Variants in SLC31A1 observed in about 807,000 individuals in gnomAD.
SLC31A1 encodes the protein high affinity copper uptake protein 1.
SLC31A1 carries 5 observed loss-of-function variants against 17.2 expected under a neutral mutation model. The ratio of observed to expected loss-of-function variants is 0.29; its 90% CI spans 0.15 to 0.61. The LOEUF is 0.61. SLC31A1 is among the 20% of genes least tolerant of loss of function. SLC31A1 has a pLI of 0.86. For missense variants in SLC31A1, 161 were observed against 241.4 expected, an observed-to-expected ratio of 0.67 and a Z score of 2.21; for synonymous variants, 76 against 78.8, an observed-to-expected ratio of 0.96 and a Z score of 0.19.
intron 1 of SLC31A1, among the ~76,000 whole-genome samples, chr9:113,231,608 G>A (rs1354891972): frequency 2.0e-5 from 3 of 151,866 alleles, no homozygotes; most frequent in Non-Finnish European, 2.9e-5. Context: ...TTATGCATTA[G>A]TGGTAGCTGT....
Position 113,258,768 on chromosome 9 carries a change from C to G in SLC31A1, c.277C>G (p.Leu93Val). 1 of 1,614,230 alleles carries G rather than the reference C, an allele frequency of 6.2e-7. No homozygotes were observed. Among genetic ancestry groups the G allele is most frequent in the Non-Finnish European group, 8.5e-7 (1 of 1,180,030 alleles). The change falls in exon 4 of 5, where the codon CTG becomes GTG. Residue 93 changes from leucine to valine, a missense_variant. By Grantham distance (32) the Leu-to-Val change is conservative (BLOSUM62 1). Transcript: ENST00000374212. The surrounding 1 kb of genome is among the most constrained non-coding windows in gnomAD (Gnocchi z 4.8). ...AGGACTCAAGATAGCCCGAGAGAGCCTGCTGCGTAAGTCACAAGTCAGCAT... is the reference window on the plus strand; with the variant it reads ...AGGACTCAAGATAGCCCGAGAGAGCGTGCTGCGTAAGTCACAAGTCAGCAT... Reference protein sequence around the residue: ...YEGLKIARESLLRKSQVSIRY... With the variant: ...YEGLKIARESVLRKSQVSIRY...
At chr9:113,223,783 C>A (rs1831313146) in intron 1 of SLC31A1, among the ~76,000 whole-genome samples, 1 of 152,192 alleles carries the variant, frequency 6.6e-6, no homozygotes, top group Non-Finnish European at 1.5e-5. Flanking sequence ...TATACCCATA[C>A]TAATCTGTAA....
At chr9:113,252,930 G>A (rs1268314023) in intron 1 of SLC31A1, among the ~76,000 whole-genome samples, 10 of 150,562 alleles carry the variant, frequency 6.6e-5, no homozygotes, top group African/African-American at 2.2e-4. Context: ...CCTGGCTAGC[G>A]AAAGTCTTTT....
intron 3 of SLC31A1, among the ~76,000 whole-genome samples, chr9:113,257,680 G>C (rs1831744069): frequency 6.6e-6 from 1 of 151,820 alleles, no homozygotes; most frequent in Non-Finnish European, 1.5e-5. Flanking sequence ...TAGAGACGGG[G>C]TTTTGCCATG....
chr9:113,241,969 C>A (rs1831525796), intron 1 of SLC31A1, among the ~76,000 whole-genome samples: 1 of 152,180 alleles, frequency 6.6e-6, no homozygotes, highest in Non-Finnish European at 1.5e-5. Context: ...ACTAGAGGAT[C>A]ACGAGGTCAG....
At chr9:113,239,068 G>C (rs923621646) in intron 1 of SLC31A1, among the ~76,000 whole-genome samples, 1 of 152,132 alleles carries the variant, frequency 6.6e-6, no homozygotes, top group Non-Finnish European at 1.5e-5. Flanking sequence ...ATCTCTATGC[G>C]TAGGACCTGT....
Position 113,221,576 on chromosome 9 carries a change from G to A in SLC31A1, c.-138G>A, listed in dbSNP as rs1054173994. 30 of 437,642 alleles carry A rather than the reference G, an allele frequency of 6.9e-5. No individual in the cohort carries two copies. The highest frequency in any genetic ancestry group is 1.4e-3 in the Middle Eastern group (2 of 1,476). 27.1% of individuals were successfully genotyped at this position (437,642 alleles called of 1,614,324 possible). On this transcript the variant is annotated 5_prime_UTR_variant, in exon 1 of 5. Transcript: ENST00000374212. ...CGGCCTCGGTGGCGGTGGTGGACAC[G>A]TCGAGCCGGGTAGAAGTGGAGGGGC... is the stretch of plus-strand genomic sequence containing the variant.
rs531502410 is a variant in SLC31A1, at chr9:113,231,846, A to C, written c.-36+10168A>C. On this transcript the variant is annotated intron_variant, in intron 1 of 4. Transcript: ENST00000374212. ...AAAACTTGTCTATGGGCCATACGTTAAGTACTCATAGTATCTCTGTGGAAG... is the reference window on the plus strand; with the variant it reads ...AAAACTTGTCTATGGGCCATACGTTCAGTACTCATAGTATCTCTGTGGAAG... 1.1e-4 allele frequency among the ~76,000 whole-genome samples: 17 copies of C among 152,334 alleles called. No homozygotes were observed. In the South Asian group the frequency reaches 3.3e-3, roughly 30 times the overall value.
At chr9:113,259,837 C>T (rs553244532) in intron 4 of SLC31A1, among the ~76,000 whole-genome samples, 88 of 152,252 alleles carry the variant, frequency 5.8e-4, no homozygotes, top group African/African-American at 2.0e-3. Context: ...CAGCCCACCT[C>T]GGCCTCCCAA....
In SLC31A1 at chr9:113,263,476, T is replaced by C. The variant is rs1056192047; in HGVS notation, c.*3003T>C. On this transcript the variant is annotated 3_prime_UTR_variant, in exon 5 of 5. Transcript: ENST00000374212. ...TGGATCTAAACTTCTCTTTTCTTCCTTCCCCATTCACATCTATTAGAAGAC... is the reference window on the plus strand; with the variant it reads ...TGGATCTAAACTTCTCTTTTCTTCCCTCCCCATTCACATCTATTAGAAGAC... 1.1e-4 allele frequency: 17 copies of C among 152,668 alleles called. No individual in the cohort carries two copies. The highest frequency in any genetic ancestry group is 4.1e-4 in the African/African-American group (17 of 41,450). The allele number at this position is 152,668 out of a possible 1,614,324, so 9.5% of individuals were successfully genotyped here.
chr9:113,247,798 T>C (rs1831599204), intron 1 of SLC31A1, among the ~76,000 whole-genome samples: 1 of 152,214 alleles, frequency 6.6e-6, no homozygotes, highest in African/African-American at 2.4e-5. Context: ...TAGCATTTAC[T>C]GTTTCCTATA....
intron 1 of SLC31A1, among the ~76,000 whole-genome samples, chr9:113,225,788 A>T (rs950075112): frequency 2.0e-5 from 3 of 152,156 alleles, no homozygotes; most frequent in African/African-American, 7.2e-5. Context: ...TCTACTGTTA[A>T]TTCCTTTTTG....
At chr9:113,239,516 G>C (rs4979226) in intron 1 of SLC31A1, among the ~76,000 whole-genome samples, 76,206 of 152,018 alleles carry the variant, frequency 0.5, 19,393 homozygotes, top group South Asian at 0.61. Context: ...AAACATGAGT[G>C]CCTGCATATT....
Position 113,262,818 on chromosome 9 carries a change from AATCTC to A in SLC31A1, c.*2347_*2351del, listed in dbSNP as rs1416889569. 7 of 152,636 alleles carry A rather than the reference AATCTC, an allele frequency of 4.6e-5. No homozygotes were observed. Among genetic ancestry groups the A allele is most frequent in the African/African-American group, 1.7e-4 (7 of 41,450 alleles). The allele number at this position is 152,636 out of a possible 1,614,324, so 9.5% of individuals were successfully genotyped here. A position where few individuals can be genotyped will look rare whatever the true frequency, so the allele number is the denominator to read the frequency against. ...AGTAGTGACATTGGTGCTCTCTAGA[AATCTC>A]AGCATGAGCTGCTATAGAATACCCT... On this transcript the variant is annotated 3_prime_UTR_variant, in exon 5 of 5. Coordinates refer to ENST00000374212, the MANE Select transcript of SLC31A1 (RefSeq NM_001859.4).
At chr9:113,246,763 C>T (rs1020884734) in intron 1 of SLC31A1, among the ~76,000 whole-genome samples, 4 of 152,154 alleles carry the variant, frequency 2.6e-5, no homozygotes, top group Admixed American at 2.6e-4. Flanking sequence ...CATTATCGTG[C>T]CTCAGCCTCC....
intron 1 of SLC31A1, among the ~76,000 whole-genome samples, chr9:113,234,625 T>C (rs1276163828): frequency 6.6e-6 from 1 of 151,688 alleles, no homozygotes; most frequent in Non-Finnish European, 1.5e-5. Flanking sequence ...GAATTGTCCA[T>C]GGAACTTGAT....
intron 1 of SLC31A1, chr9:113,223,363 A>G (rs1302185350): frequency 2.7e-6 from 1 of 369,486 alleles, no homozygotes; most frequent in African/African-American, 2.2e-5. Context: ...GTCTTCCTAA[A>G]TTCGTGTATC....
intron 1 of SLC31A1, among the ~76,000 whole-genome samples, chr9:113,229,508 T>C (rs1658470616): frequency 6.6e-6 from 1 of 152,228 alleles, no homozygotes; most frequent in South Asian, 2.1e-4. Flanking sequence ...AAGTATTCCA[T>C]TGTATGAAAA....
In SLC31A1 at chr9:113,239,044, C is replaced by T. The variant is rs78506472; in HGVS notation, c.-35-17070C>T. Among the ~76,000 whole-genome samples, 1,294 of 152,214 alleles carry T rather than the reference C, an allele frequency of 8.5e-3. 12 individuals carry two copies. Among genetic ancestry groups the T allele is most frequent in the South Asian group, 0.043 (209 of 4,818 alleles). The stretch of plus-strand genomic sequence containing the variant: ...CCAAAATGCTGTTGAAATCTGGACA[C>T]GATCCCTGTAGCAATCTCTATGCGT... On this transcript the variant is annotated intron_variant, in intron 1 of 4. Transcript: ENST00000374212.
Sources: allele counts gnomAD v4.1 joint callset (sites outside exome capture counted in the v4.1 genomes callset), GRCh38; gene constraint gnomAD v4.1.1; non-coding constraint Gnocchi (gnomAD v3.1); transcripts MANE v1.5; gene names NCBI Gene and HGNC (gene_info 2026-07-23, HGNC 2026-07-21).